TRPS1: variants seen among roughly 807,000 people sequenced by gnomAD.
The protein encoded by TRPS1 is zinc finger transcription factor Trps1.
In TRPS1, 6 loss-of-function variants were observed where a neutral mutation model predicts 101.2. The ratio of observed to expected loss-of-function variants is 0.06; its 90% CI spans 0.03 to 0.12. The LOEUF is 0.12. Among genes scored for constraint, TRPS1 ranks in the 10% least tolerant of loss-of-function variants. The probability of loss-of-function intolerance (pLI) is 1.00; values close to 1 mark genes in which losing one functional copy is unlikely to be tolerated. For missense variants in TRPS1, 1,363 were observed against 1,567.0 expected, an observed-to-expected ratio of 0.87 and a Z score of 2.20; for synonymous variants, 578 against 589.8, an observed-to-expected ratio of 0.98 and a Z score of 0.29.
chr8:115,497,645 T>C (rs1053460725), intron 5 of TRPS1, among the ~76,000 whole-genome samples: 1 of 152,220 alleles, frequency 6.6e-6, no homozygotes, highest in Non-Finnish European at 1.5e-5. Context: ...CCAGTTTTGT[T>C]TAGGGAACAT....
At chr8:115,579,094 AT>A (rs1206478532) in intron 5 of TRPS1, among the ~76,000 whole-genome samples, 1 of 152,102 alleles carries the variant, frequency 6.6e-6, no homozygotes, top group Non-Finnish European at 1.5e-5. Context: ...GATGGGGATA[AT>A]AATAGTTTCA....
chr8:115,534,793 A>T (rs1257789052), intron 5 of TRPS1, among the ~76,000 whole-genome samples: 1 of 152,192 alleles, frequency 6.6e-6, no homozygotes, highest in East Asian at 1.9e-4. Context: ...ATGTGGAGAA[A>T]GAAACTACAT....
Position 115,584,627 on chromosome 8 carries a change from CT to C in TRPS1, c.2700+2373del, listed in dbSNP as rs77676407. Among the ~76,000 whole-genome samples the C allele has an allele frequency of 5.4e-3, 742 of 138,190 alleles. 12 individuals are homozygous for C. The highest frequency in any genetic ancestry group is 0.014 in the African/African-American group (523 of 37,940). 90.7% of individuals were successfully genotyped at this position (138,190 alleles called of 152,430 possible). On this transcript the variant is annotated intron_variant, in intron 5 of 6. Coordinates refer to ENST00000395715, the MANE Select transcript of TRPS1 (RefSeq NM_014112.5). The stretch of plus-strand genomic sequence containing the variant: ...TAGTAAACATGACCTCAAAATTCTG[CT>C]TTTTTTTTTTTTTCTACCACTGGTA...
chr8:115,446,690 C>T (rs149991911), intron 5 of TRPS1, among the ~76,000 whole-genome samples: 2 of 152,156 alleles, frequency 1.3e-5, no homozygotes, highest in Non-Finnish European at 2.9e-5. Flanking sequence ...CTAGAATCCT[C>T]GAATGTTAGA....
At chr8:115,436,645 G>A (rs1327361724) in intron 5 of TRPS1, among the ~76,000 whole-genome samples, 5 of 152,242 alleles carry the variant, frequency 3.3e-5, no homozygotes, top group East Asian at 1.9e-4. Flanking sequence ...GACTATGGGC[G>A]TGTACCACTG....
In TRPS1 at chr8:115,413,937, T is replaced by G; in HGVS notation, c.*86A>C. On this transcript the variant is annotated 3_prime_UTR_variant, in exon 7 of 7. Coordinates refer to ENST00000395715, the MANE Select transcript of TRPS1 (RefSeq NM_014112.5). ...AAGGCAGGCTCTATGAAGTATTTTT[T>G]TAATAGGTCTTCATAAGACATTACA... is the stretch of plus-strand genomic sequence containing the variant. 2 of 1,373,302 alleles carry G rather than the reference T, an allele frequency of 1.5e-6. No individual in the cohort carries two copies. The highest frequency in any genetic ancestry group is 2.0e-6 in the Non-Finnish European group (2 of 996,996). The allele number at this position is 1,373,302 out of a possible 1,614,324, so 85.1% of individuals were successfully genotyped here. A position where few individuals can be genotyped will look rare whatever the true frequency, so the allele number is the denominator to read the frequency against.
chr8:115,437,871 C>T (rs752417562), intron 5 of TRPS1, among the ~76,000 whole-genome samples: 17 of 152,126 alleles, frequency 1.1e-4, no homozygotes, highest in African/African-American at 3.4e-4. Context: ...TCATAGAGAT[C>T]GTGAGACTAC....
intron 5 of TRPS1, among the ~76,000 whole-genome samples, chr8:115,438,867 AT>A (rs1813521304): frequency 6.6e-6 from 1 of 152,158 alleles, no homozygotes; most frequent in Non-Finnish European, 1.5e-5. Flanking sequence ...TCTAAGGAAA[AT>A]TGTAAATTCA....
chr8:115,658,507 G>T (rs1487506962), intron 1 of TRPS1, among the ~76,000 whole-genome samples: 2 of 151,678 alleles, frequency 1.3e-5, no homozygotes, highest in Non-Finnish European at 2.9e-5. Flanking sequence ...TTTAAAGAAG[G>T]AACTGAAAAT....
chr8:115,501,002 T>A (rs563215371), intron 5 of TRPS1, among the ~76,000 whole-genome samples: 1,814 of 3,624 alleles, frequency 0.5, 52 homozygotes, highest in African/African-American at 0.51. Context: ...CTATAGGTAA[T>A]TTATTCATCT....
chr8:115,519,037 T>C (rs1191806005), intron 5 of TRPS1, among the ~76,000 whole-genome samples: 5 of 151,764 alleles, frequency 3.3e-5, no homozygotes, highest in African/African-American at 1.2e-4. Flanking sequence ...TCCAGCAACA[T>C]GAAGTGATGA....
intron 5 of TRPS1, among the ~76,000 whole-genome samples, chr8:115,520,802 C>A (rs1358131406): frequency 6.6e-6 from 1 of 151,764 alleles, no homozygotes; most frequent in East Asian, 1.9e-4. Context: ...TGTGCCATTA[C>A]CTTATTGGAC....
chr8:115,612,290 T>A (rs1818188417), intron 3 of TRPS1, among the ~76,000 whole-genome samples: 6 of 137,384 alleles, frequency 4.4e-5, no homozygotes, highest in African/African-American at 8.2e-5. Flanking sequence ...GAATAGGAGG[T>A]GAGAAGAGAA....
At chr8:115,437,371 T>A (rs3808407) in intron 5 of TRPS1, among the ~76,000 whole-genome samples, 1 of 152,054 alleles carries the variant, frequency 6.6e-6, no homozygotes, top group African/African-American at 2.4e-5. Context: ...ATACAGGATA[T>A]GCTGGAAGGT....
chr8:115,620,283 A>AT (rs890757383), intron 2 of TRPS1, among the ~76,000 whole-genome samples: 2 of 151,964 alleles, frequency 1.3e-5, no homozygotes, highest in Non-Finnish European at 2.9e-5. Context: ...CTCATTTATT[A>AT]TTTTAAGGTG....
At chr8:115,647,832 C>CT (rs1162336353) in intron 1 of TRPS1, among the ~76,000 whole-genome samples, 1 of 151,664 alleles carries the variant, frequency 6.6e-6, no homozygotes, top group Non-Finnish European at 1.5e-5. Context: ...TGCCTTATTC[C>CT]TGGACTCATT....
Position 115,413,930 on chromosome 8 carries a change from T to C in TRPS1, c.*93A>G, listed in dbSNP as rs1407757803. The C allele has an allele frequency of 4.6e-6, 6 of 1,298,618 alleles. No individual in the cohort carries two copies. Among genetic ancestry groups the C allele is most frequent in the Non-Finnish European group, 6.4e-6 (6 of 933,562 alleles). 80.4% of individuals were successfully genotyped at this position (1,298,618 alleles called of 1,614,324 possible). On this transcript the variant is annotated 3_prime_UTR_variant, in exon 7 of 7. Coordinates refer to ENST00000395715, the MANE Select transcript of TRPS1 (RefSeq NM_014112.5). Reference sequence around the variant, plus strand: ...GTTGGATAAGGCAGGCTCTATGAAGTATTTTTTTAATAGGTCTTCATAAGA... The same window carrying C: ...GTTGGATAAGGCAGGCTCTATGAAGCATTTTTTTAATAGGTCTTCATAAGA...
chr8:115,431,407 T>A lies in TRPS1; in HGVS notation c.2701-12955A>T, dbSNP rs535163311. Among the ~76,000 whole-genome samples, 18 of 152,148 alleles carry A rather than the reference T, an allele frequency of 1.2e-4. No homozygotes were observed. In the South Asian group the frequency reaches 3.7e-3, roughly 32 times the overall value. ...ATGGTGACCCTAAAACTCCCTTATA[T>A]AAGAAACTGTCTTTTAAAGAGTTTA... is the stretch of plus-strand genomic sequence containing the variant. On this transcript the variant is annotated intron_variant, in intron 5 of 6. Transcript: ENST00000395715.
intron 5 of TRPS1, among the ~76,000 whole-genome samples, chr8:115,475,266 T>TTTATATATA (rs1416101277): frequency 1.9e-4 from 24 of 123,998 alleles, no homozygotes; most frequent in African/African-American, 8.3e-4. Context: ...TGAATCACAG[T>TTTATATATA]TATATATATA....
Sources: gnomAD v4.1 joint callset for allele counts (sites outside exome capture counted in the v4.1 genomes callset) on GRCh38, gnomAD v4.1.1 for gene constraint, MANE v1.5 for transcripts, NCBI Gene and HGNC (gene_info 2026-07-23, HGNC 2026-07-21) for gene names.